Variants in DCBLD2 observed in about 807,000 individuals in gnomAD.
The protein encoded by DCBLD2 is discoidin, CUB and LCCL domain containing 2, also known as discoidin, CUB and LCCL domain-containing protein 2.
In DCBLD2, 54 loss-of-function variants were observed where a neutral mutation model predicts 86.8. The observed-to-expected ratio is 0.62, with a 90% CI of 0.50 to 0.78. The LOEUF is 0.78. Ranked by LOEUF, DCBLD2 falls within the 30% of genes least tolerant of loss-of-function variation. DCBLD2 has a pLI of 0.00. For synonymous variants in DCBLD2, 354 were observed against 341.3 expected (o/e 1.04, Z -0.41); for missense variants, 908 against 954.2 (o/e 0.95, Z 0.64).
chr3:98,825,915 T>A (rs1452017175), intron 3 of DCBLD2, among the ~76,000 whole-genome samples: 1 of 151,956 alleles, frequency 6.6e-6, no homozygotes, highest in Non-Finnish European at 1.5e-5. Flanking sequence ...TTCTGGAAAT[T>A]TAGTAGAAAT....
Position 98,799,493 on chromosome 3 carries a change from T to C in DCBLD2, c.2207A>G (p.Lys736Arg). ...GGCAGGTAGACCTGGCTTCCCAGCT[T>C]TCGGGGTATCATACTGGGCCTGGGC... ...SSAQAQYDTP[K>R]AGKPGLPAPD... Residue 736 changes from lysine (K) to arginine (R), a missense_variant, in exon 16 of 16, where the codon AAA (lysine) becomes AGA (arginine). By Grantham distance (26) the Lys-to-Arg change is conservative. Coordinates refer to ENST00000326840, the MANE Select transcript of DCBLD2 (RefSeq NM_080927.4). 1 of 1,613,986 alleles carries C rather than the reference T, an allele frequency of 6.2e-7. No homozygotes were observed. The highest frequency in any genetic ancestry group is 1.3e-5 in the African/African-American group (1 of 75,046).
In DCBLD2 at chr3:98,868,371, C is replaced by T. The variant is rs114759294; in HGVS notation, c.433+13169G>A. ...GGTTGAAGAATAAGAAGATATGATA[C>T]ATGCTGTGTGTTATGAATGTATATT... On this transcript the variant is annotated intron_variant, in intron 2 of 15. Coordinates refer to ENST00000326840, the MANE Select transcript of DCBLD2 (RefSeq NM_080927.4). 7.0e-3 allele frequency among the ~76,000 whole-genome samples: 1,065 copies of T among 152,214 alleles called. 7 individuals carry two copies. The highest frequency in any genetic ancestry group is 0.019 in the African/African-American group (795 of 41,536).
intron 2 of DCBLD2, among the ~76,000 whole-genome samples, chr3:98,880,548 T>G (rs560215370): frequency 2.6e-4 from 39 of 152,306 alleles, no homozygotes; most frequent in African/African-American, 9.4e-4. Flanking sequence ...TAATCAATTC[T>G]GATTCAACTG....
chr3:98,886,805 CCCCCT>C (rs1943571347), intron 1 of DCBLD2, among the ~76,000 whole-genome samples: 1 of 137,920 alleles, frequency 7.3e-6, no homozygotes, highest in African/African-American at 2.7e-5. Flanking sequence ...GGAAAACCCC[CCCCCT>C]TTTTTTTTTT....
intron 2 of DCBLD2, among the ~76,000 whole-genome samples, chr3:98,867,520 T>A (rs6440189): frequency 0.97 from 147,920 of 152,244 alleles, 72,018 homozygotes; most frequent in East Asian, 1. Flanking sequence ...ATAATCCAAT[T>A]CAATTTTCTA....
intron 2 of DCBLD2, among the ~76,000 whole-genome samples, chr3:98,851,907 T>C (rs925764739): frequency 6.6e-6 from 1 of 152,208 alleles, no homozygotes; most frequent in Non-Finnish European, 1.5e-5. Context: ...ACTGGGCCCC[T>C]TCCTTACACC....
intron 2 of DCBLD2, among the ~76,000 whole-genome samples, chr3:98,877,174 C>G (rs1943386710): frequency 6.6e-6 from 1 of 151,738 alleles, no homozygotes; most frequent in Admixed American, 6.6e-5. Flanking sequence ...AGAAAGAAAA[C>G]CAACAAGGAT....
intron 3 of DCBLD2, among the ~76,000 whole-genome samples, chr3:98,827,504 G>A (rs900851618): frequency 6.6e-6 from 1 of 152,194 alleles, no homozygotes; most frequent in Non-Finnish European, 1.5e-5. Flanking sequence ...GTAAGTGCAT[G>A]CAGTGCTGAG....
intron 1 of DCBLD2, among the ~76,000 whole-genome samples, chr3:98,888,416 A>G (rs1269994932): frequency 6.6e-6 from 1 of 151,996 alleles, no homozygotes; most frequent in Admixed American, 6.6e-5. Context: ...GAGTCATACA[A>G]TCAATTTAAA....
intron 15 of DCBLD2, 116 bp downstream of exon 15, chr3:98,800,463 A>G: frequency 8.4e-7 from 1 of 1,193,294 alleles, no homozygotes; most frequent in Admixed American, 2.5e-5. Flanking sequence ...CCTTTAGGAA[A>G]CAATTCATTT....
In DCBLD2 at chr3:98,877,840, C is replaced by T. The variant is rs1943397473; in HGVS notation, c.433+3700G>A. ...AGAGGTACTCAAATAATGATGAGGACATCACCAAAGGACATAGGAGCTAGC... is the reference window on the plus strand; with the variant it reads ...AGAGGTACTCAAATAATGATGAGGATATCACCAAAGGACATAGGAGCTAGC... On this transcript the variant is annotated intron_variant, in intron 2 of 15. Coordinates refer to ENST00000326840, the MANE Select transcript of DCBLD2 (RefSeq NM_080927.4). 2.0e-5 allele frequency among the ~76,000 whole-genome samples: 3 copies of T among 152,012 alleles called. No homozygotes were observed. In the South Asian group the frequency reaches 6.2e-4, roughly 32 times the overall value.
rs1292945222 is a variant in DCBLD2, at chr3:98,817,924, C to T, written c.1088-31G>A. ...GAATGAAGAGTTGCTTTCATTAATG[C>T]ACATGGTCTGATTCCCTAAGTTTGT... On this transcript the variant is annotated intron_variant, in intron 8 of 15. Transcript: ENST00000326840. The T allele has an allele frequency of 3.1e-6, 5 of 1,607,604 alleles. No homozygotes were observed. In the East Asian group the frequency reaches 9.0e-5, roughly 29 times the overall value.
intron 3 of DCBLD2, among the ~76,000 whole-genome samples, chr3:98,838,944 G>C (rs866491210): frequency 4.2e-4 from 64 of 151,246 alleles, no homozygotes; most frequent in Middle Eastern, 3.4e-3. Flanking sequence ...ACTGAGGCAG[G>C]AGTATCAGGC....
chr3:98,853,481 G>A (rs2107488917), intron 2 of DCBLD2, among the ~76,000 whole-genome samples: 1 of 152,248 alleles, frequency 6.6e-6, no homozygotes, highest in South Asian at 2.1e-4. Context: ...TATCATCATG[G>A]CTATGCTGTT....
chr3:98,828,450 T>C (rs1942263250), intron 3 of DCBLD2, among the ~76,000 whole-genome samples: 1 of 152,112 alleles, frequency 6.6e-6, no homozygotes, highest in Non-Finnish European at 1.5e-5. Flanking sequence ...AACAGGCACA[T>C]AAAAAGATGC....
At position 98,812,345 on chromosome 3, in the gene DCBLD2, C is replaced by T. The variant is rs539158580; in HGVS notation, c.1350G>A (p.Gln450=). The T allele has an allele frequency of 6.2e-7, 1 of 1,613,364 alleles. No individual in the cohort carries two copies. The highest frequency in any genetic ancestry group is 1.3e-5 in the African/African-American group (1 of 75,004). ...CTGTCTCTTTACCTTTAGGAATAAACTGACATCCGAGCAGCTCCATTTTCA... is the reference window on the plus strand; with the variant it reads ...CTGTCTCTTTACCTTTAGGAATAAATTGACATCCGAGCAGCTCCATTTTCA... The part of the protein sequence containing the change: ...IAMKMELLGC[Q]FIPKGRPPKL... Residue 450 remains glutamine, a synonymous_variant, in exon 10 of 16, where the codon CAG becomes CAA. Coordinates refer to ENST00000326840, the MANE Select transcript of DCBLD2 (RefSeq NM_080927.4).
intron 2 of DCBLD2, among the ~76,000 whole-genome samples, chr3:98,857,344 G>GT (rs201930965): frequency 0.017 from 2,575 of 152,342 alleles, 70 homozygotes; most frequent in African/African-American, 0.058. Context: ...TCCACAGTGT[G>GT]TAAGGGGACC....
rs557718167 is a variant in DCBLD2 at position 98,886,280 on chromosome 3, C to T, written c.206-4513G>A. Among the ~76,000 whole-genome samples, 3 of 152,072 alleles carry T rather than the reference C, an allele frequency of 2.0e-5. No homozygotes were observed. The South Asian group carries it at 6.2e-4, about 32-fold the overall frequency. On this transcript the variant is annotated intron_variant, in intron 1 of 15. Coordinates refer to ENST00000326840, the MANE Select transcript of DCBLD2 (RefSeq NM_080927.4). The stretch of plus-strand genomic sequence containing the variant: ...ATATATTTTTTCTGGGTCAGGAGCT[C>T]TTAACATTAGGAGGGAAAGGAGCTA...
chr3:98,835,884 T>C (rs1378207097), intron 3 of DCBLD2, among the ~76,000 whole-genome samples: 1 of 151,184 alleles, frequency 6.6e-6, no homozygotes, highest in Non-Finnish European at 1.5e-5. Context: ...GGTGCTTATA[T>C]GAGGGGAGGA....
Sources: gnomAD v4.1 joint callset for allele counts (sites outside exome capture counted in the v4.1 genomes callset) on GRCh38, gnomAD v4.1.1 for gene constraint, MANE v1.5 for transcripts, NCBI Gene and HGNC (gene_info 2026-07-23, HGNC 2026-07-21) for gene names.